SOX5: variants seen among roughly 807,000 people sequenced by gnomAD.
The protein encoded by SOX5 is SRY-box transcription factor 5, also known as transcription factor SOX-5.
In SOX5, 9 loss-of-function variants were observed where a neutral mutation model predicts 92.0. That is an observed-to-expected ratio of 0.10 (90% CI 0.06 to 0.17). The LOEUF (loss-of-function observed/expected upper bound fraction) is 0.17, where lower values mean the gene tolerates loss of function less well. Among genes scored for constraint, SOX5 ranks in the 10% least tolerant of loss-of-function variants. The pLI, the probability that SOX5 is intolerant of heterozygous loss-of-function variation, is 1.00. For synonymous variants in SOX5, 344 were observed against 336.3 expected, an observed-to-expected ratio of 1.02 and a Z score of -0.25; for missense variants, 642 against 944.5, an observed-to-expected ratio of 0.68 and a Z score of 4.20.
At chr12:23,954,225 C>T (rs1946005290), upstream of SOX5, among the ~76,000 whole-genome samples, 1 of 151,794 alleles carries the variant, frequency 6.6e-6, no homozygotes, top group Non-Finnish European at 1.5e-5. Context: ...ATATGAATTC[C>T]TACCATCACC....
chr12:23,615,375 G>A (rs968680588), intron 8 of SOX5, among the ~76,000 whole-genome samples: 1 of 152,028 alleles, frequency 6.6e-6, no homozygotes, highest in African/African-American at 2.4e-5. Context: ...AGGTCCAGGG[G>A]TACATGTGCA....
intron 1 of SOX5, among the ~76,000 whole-genome samples, chr12:24,521,770 A>T (rs1950284404): frequency 6.6e-6 from 1 of 152,188 alleles, no homozygotes; most frequent in Non-Finnish European, 1.5e-5. Flanking sequence ...AACGAAAATG[A>T]AAACACAACA....
chr12:23,821,255 G>T (rs149165734), intron 3 of SOX5, among the ~76,000 whole-genome samples: 45 of 152,270 alleles, frequency 3.0e-4, no homozygotes, highest in African/African-American at 8.7e-4. Context: ...GAATGCTTGT[G>T]ATTTTTGTAC....
intron 1 of SOX5, among the ~76,000 whole-genome samples, chr12:24,478,540 CT>C (rs1945631848): frequency 6.6e-6 from 1 of 152,222 alleles, no homozygotes; most frequent in African/African-American, 2.4e-5. Flanking sequence ...ATCCCTCAAG[CT>C]CCATTAATTC....
At chr12:23,692,665 T>C (rs1484353861) in intron 6 of SOX5, among the ~76,000 whole-genome samples, 1 of 152,162 alleles carries the variant, frequency 6.6e-6, no homozygotes, top group Non-Finnish European at 1.5e-5. Context: ...CAGAGTTAGG[T>C]AGAGCTTTTC....
chr12:24,354,782 A>T (rs188363498), intron 2 of SOX5, among the ~76,000 whole-genome samples: 2 of 152,208 alleles, frequency 1.3e-5, no homozygotes, highest in African/African-American at 4.8e-5. Flanking sequence ...GGTAGAGAAG[A>T]GTTCAGTTTG....
At chr12:24,281,700 C>T (rs761392129) in intron 2 of SOX5, among the ~76,000 whole-genome samples, 2 of 152,140 alleles carry the variant, frequency 1.3e-5, no homozygotes, top group Non-Finnish European at 2.9e-5. Flanking sequence ...AATGCAAATG[C>T]AAAGGTAAAT....
chr12:24,232,688 A>G (rs915951987), intron 3 of SOX5, among the ~76,000 whole-genome samples: 1 of 152,158 alleles, frequency 6.6e-6, no homozygotes, highest in African/African-American at 2.4e-5. Flanking sequence ...GCAAAGGAAA[A>G]ATGTATGTAA....
intron 1 of SOX5, among the ~76,000 whole-genome samples, chr12:24,541,826 C>T (rs994980704): frequency 1.1e-4 from 16 of 152,122 alleles, no homozygotes; most frequent in Non-Finnish European, 1.5e-4. Context: ...TGTTCCAGGT[C>T]TTCCTAGGTG....
Position 24,304,315 on chromosome 12 carries a change from T to C in SOX5, c.-173-27003A>G, listed in dbSNP as rs1025967354. ...ATATCGGATATGTTGGGTAGAAGAA[T>C]GGAAAATGAAGTAGAAATGGAAGAT... On this transcript the variant is annotated intron_variant, in intron 2 of 4. Coordinates refer to the SOX5 transcript ENST00000446891. Among the ~76,000 whole-genome samples, 63 of 152,186 alleles carry C rather than the reference T, an allele frequency of 4.1e-4. 1 individual carries two copies. The highest frequency in any genetic ancestry group is 1.4e-3 in the African/African-American group (60 of 41,532).
At chr12:23,612,845 G>A (rs1024866759) in intron 8 of SOX5, among the ~76,000 whole-genome samples, 3 of 152,118 alleles carry the variant, frequency 2.0e-5, no homozygotes, top group South Asian at 2.1e-4. Flanking sequence ...GCAATTTCAA[G>A]GCTCCATAAG....
intron 6 of SOX5, among the ~76,000 whole-genome samples, chr12:23,688,359 CT>C (rs1433840236): frequency 9.2e-5 from 14 of 152,036 alleles, no homozygotes; most frequent in Admixed American, 9.2e-4. Flanking sequence ...TCAAATGGTT[CT>C]GATACACTCT....
At chr12:24,279,188 T>C (rs913576795) in intron 2 of SOX5, among the ~76,000 whole-genome samples, 1 of 152,148 alleles carries the variant, frequency 6.6e-6, no homozygotes, top group African/African-American at 2.4e-5. Context: ...TCTTCAATGA[T>C]AACATATCAC....
chr12:23,977,236 G>A (rs533286581), intron 4 of SOX5, among the ~76,000 whole-genome samples: 2 of 152,248 alleles, frequency 1.3e-5, no homozygotes, highest in Admixed American at 1.3e-4. Flanking sequence ...TCAGAGAGGA[G>A]GTAGTAAGGA....
intron 6 of SOX5, among the ~76,000 whole-genome samples, chr12:23,715,289 T>C (rs1257603267): frequency 2.8e-5 from 3 of 105,674 alleles, no homozygotes; most frequent in Non-Finnish European, 5.9e-5. Context: ...AAAGACTCCA[T>C]CTCAAAATAA....
At chr12:24,190,484 A>G (rs1172131918) in intron 4 of SOX5, among the ~76,000 whole-genome samples, 3 of 152,194 alleles carry the variant, frequency 2.0e-5, no homozygotes, top group Non-Finnish European at 4.4e-5. Context: ...TTCCTATATG[A>G]TGGAACTGTG....
rs144842854 is a variant in SOX5, at chr12:24,187,192, G to C, written c.-2+26151C>G. ...CATCTGAGTATTAGACCAACAGAAA[G>C]ATAACTCCAGAAGAAAGATGTAATA... On this transcript the variant is annotated intron_variant, in intron 4 of 4. Coordinates refer to the SOX5 transcript ENST00000446891. Among the ~76,000 whole-genome samples, 270 of 152,260 alleles carry C rather than the reference G, an allele frequency of 1.8e-3. 2 individuals carry two copies. The highest frequency in any genetic ancestry group is 6.2e-3 in the African/African-American group (257 of 41,550).
chr12:23,826,278 G>A (rs2096232766), intron 3 of SOX5, among the ~76,000 whole-genome samples: 1 of 150,064 alleles, frequency 6.7e-6, no homozygotes, highest in African/African-American at 2.5e-5. Context: ...TGTGGTGTTT[G>A]GGTTTTTTTG....
At chr12:24,158,310 T>C (rs759283847) in intron 4 of SOX5, among the ~76,000 whole-genome samples, 4 of 152,024 alleles carry the variant, frequency 2.6e-5, no homozygotes, top group African/African-American at 4.8e-5. Flanking sequence ...AAACCATTAG[T>C]ACTATATTTT....
Sources: gnomAD v4.1 joint callset for allele counts (sites outside exome capture counted in the v4.1 genomes callset) on GRCh38, gnomAD v4.1.1 for gene constraint, MANE v1.5 for transcripts, NCBI Gene and HGNC (gene_info 2026-07-23, HGNC 2026-07-21) for gene names.